RGS6: variants seen among roughly 807,000 people sequenced by gnomAD.
RGS6 encodes the protein regulator of G-protein signaling 6.
A neutral mutation model predicts 78.5 loss-of-function variants in RGS6; 30 were observed. That is an observed-to-expected ratio of 0.38 (90% CI 0.29 to 0.52). The LOEUF (loss-of-function observed/expected upper bound fraction) is 0.52. Ranked by LOEUF, RGS6 falls within the 20% of genes least tolerant of loss-of-function variation. The pLI is 0.85. For synonymous variants in RGS6, 206 were observed against 206.0 expected, an observed-to-expected ratio of 1.00 and a Z score of 0.00; for missense variants, 495 against 609.7, an observed-to-expected ratio of 0.81 and a Z score of 1.98.
chr14:71,955,640 G>T (rs2092726490), intron 1 of RGS6, among the ~76,000 whole-genome samples: 1 of 152,172 alleles, frequency 6.6e-6, no homozygotes, highest in Admixed American at 6.5e-5. Flanking sequence ...GCTGGTGGGA[G>T]TGTAGCAGTG....
intron 1 of RGS6, among the ~76,000 whole-genome samples, chr14:71,945,848 G>A (rs1172657342): frequency 6.6e-6 from 1 of 151,988 alleles, no homozygotes; most frequent in Non-Finnish European, 1.5e-5. Context: ...AAAATATTAT[G>A]TATATCTACA....
At chr14:72,044,078 T>C (rs1400549244) in intron 2 of RGS6, among the ~76,000 whole-genome samples, 1 of 152,214 alleles carries the variant, frequency 6.6e-6, no homozygotes, top group African/African-American at 2.4e-5. Flanking sequence ...TCTTCAGCCA[T>C]GACTAGTCTC....
intron 2 of RGS6, among the ~76,000 whole-genome samples, chr14:72,298,450 TTTTTTCC>T (rs1567695319): frequency 1.1e-4 from 8 of 74,602 alleles, no homozygotes; most frequent in Non-Finnish European, 1.8e-4. Flanking sequence ...TTTTTTTTTT[TTTTTTCC>T]CCCCCTCTGA....
chr14:72,161,847 A>G (rs991864401), intron 2 of RGS6, among the ~76,000 whole-genome samples: 8 of 152,220 alleles, frequency 5.3e-5, no homozygotes, highest in African/African-American at 1.2e-4. Flanking sequence ...GTTGTCTTTT[A>G]TATTGTATAA....
At chr14:72,085,012 C>T (rs951615980) in intron 2 of RGS6, among the ~76,000 whole-genome samples, 1 of 152,202 alleles carries the variant, frequency 6.6e-6, no homozygotes, top group African/African-American at 2.4e-5. Flanking sequence ...CGTAAGAAGA[C>T]AACCACTTTG....
chr14:72,262,581 G>C (rs1232238126), intron 2 of RGS6, among the ~76,000 whole-genome samples: 1 of 152,156 alleles, frequency 6.6e-6, no homozygotes, highest in African/African-American at 2.4e-5. Flanking sequence ...AAATTTGGGG[G>C]CCTGGGGAGA....
chr14:72,334,503 A>T (rs1326055029), intron 2 of RGS6, among the ~76,000 whole-genome samples: 1 of 152,126 alleles, frequency 6.6e-6, no homozygotes, highest in Admixed American at 6.5e-5. Flanking sequence ...GGCAGGAGGG[A>T]GGGGTGCTTG....
chr14:72,509,485 C>T (rs11623449), intron 13 of RGS6, among the ~76,000 whole-genome samples: 14,471 of 152,098 alleles, frequency 0.095, 788 homozygotes, highest in South Asian at 0.17. Flanking sequence ...CCTCACCTTC[C>T]CTATCTGGAA....
At chr14:72,409,660 C>A (rs368348993) in intron 3 of RGS6, among the ~76,000 whole-genome samples, 2 of 151,832 alleles carry the variant, frequency 1.3e-5, no homozygotes, top group Non-Finnish European at 2.9e-5. Flanking sequence ...TGTGCTGCAC[C>A]CATTAACTCA....
In RGS6 at chr14:72,055,249, A is replaced by G. The variant is rs567730582; in HGVS notation, c.84+90374A>G. Among the ~76,000 whole-genome samples, 3 of 152,306 alleles carry G rather than the reference A, an allele frequency of 2.0e-5. No individual in the cohort carries two copies. The South Asian group carries it at 6.2e-4, about 32-fold the overall frequency. On this transcript the variant is annotated intron_variant, in intron 2 of 17. Coordinates refer to ENST00000553525, the MANE Select transcript of RGS6 (RefSeq NM_001204424.2). ...CGCTATATCCATTTACACTTCCACC[A>G]GAGGTGCAGAAAAGATCCTATCAGT... is the stretch of plus-strand genomic sequence containing the variant.
chr14:72,106,860 A>G (rs1438494970), intron 2 of RGS6, among the ~76,000 whole-genome samples: 3 of 152,078 alleles, frequency 2.0e-5, no homozygotes, highest in African/African-American at 7.2e-5. Flanking sequence ...CAGCAGCTGG[A>G]TATAGGGGTT....
chr14:71,869,876 A>T, the RGS6 span, among the ~76,000 whole-genome samples: 1 of 152,172 alleles, frequency 6.6e-6, no homozygotes, highest in African/African-American at 2.4e-5. Flanking sequence ...GGTGAGTCTG[A>T]TCACCTTTTA....
chr14:72,552,873 A>C (rs1294415598), intron 17 of RGS6: 1 of 152,072 alleles, frequency 6.6e-6, no homozygotes, highest in Non-Finnish European at 1.5e-5. Context: ...TTCCATTTTT[A>C]TATATGTATT....
chr14:72,406,403 G>T (rs1318315349), intron 3 of RGS6, among the ~76,000 whole-genome samples: 4 of 152,048 alleles, frequency 2.6e-5, no homozygotes, highest in Non-Finnish European at 4.4e-5. Flanking sequence ...ATAAGAAACT[G>T]CTATTTAGCA....
chr14:72,249,904 A>G (rs562084421), intron 2 of RGS6, among the ~76,000 whole-genome samples: 1 of 152,134 alleles, frequency 6.6e-6, no homozygotes, highest in East Asian at 1.9e-4. Context: ...GGAATACTAT[A>G]CAGCCATAAA....
At chr14:72,476,627 C>T (rs2153351312) in intron 10 of RGS6, 115 bp from the exon 11 acceptor site, 1 of 692,042 alleles carries the variant, frequency 1.4e-6, no homozygotes. Flanking sequence ...AGAGACCAAT[C>T]TCTTATTGTC....
intron 1 of RGS6, among the ~76,000 whole-genome samples, chr14:71,949,344 T>G (rs2152988532): frequency 1.3e-5 from 2 of 152,330 alleles, no homozygotes; most frequent in East Asian, 3.9e-4. Flanking sequence ...TTGTTAAATG[T>G]TTGAATTTTA....
chr14:72,391,573 C>A (rs960378551), intron 3 of RGS6, among the ~76,000 whole-genome samples: 17 of 152,302 alleles, frequency 1.1e-4, no homozygotes, highest in Middle Eastern at 3.4e-3. Context: ...CCTCCATCTC[C>A]TTTATCCATT....
At chr14:72,214,530 C>G (rs1365404199) in intron 2 of RGS6, among the ~76,000 whole-genome samples, 1 of 152,132 alleles carries the variant, frequency 6.6e-6, no homozygotes, top group African/African-American at 2.4e-5. Context: ...AGGCGTCTGA[C>G]CATCTTATTT....
Sources: allele counts gnomAD v4.1 joint callset (sites outside exome capture counted in the v4.1 genomes callset), GRCh38; gene constraint gnomAD v4.1.1; transcripts MANE v1.5; gene names NCBI Gene and HGNC (gene_info 2026-07-23, HGNC 2026-07-21).